The following MBNL2 variants were observed in gnomAD, a reference collection of about 807,000 sequenced individuals.
The protein encoded by MBNL2 is muscleblind like splicing regulator 2.
MBNL2 carries 17 observed loss-of-function variants against 41.9 expected under a neutral mutation model. That is an observed-to-expected ratio of 0.41 (90% CI 0.28 to 0.61). MBNL2 has a LOEUF of 0.61. Among genes scored for constraint, MBNL2 ranks in the 20% least tolerant of loss-of-function variants. The probability of loss-of-function intolerance (pLI) is 0.35; values close to 1 mark genes in which losing one functional copy is unlikely to be tolerated. For synonymous variants in MBNL2, 195 were observed against 182.9 expected (o/e 1.07, Z -0.53); for missense variants, 336 against 505.6 (o/e 0.66, Z 3.22).
chr13:97,388,803 GA>G (rs1180490424), intron 8 of MBNL2, among the ~76,000 whole-genome samples: 5 of 151,392 alleles, frequency 3.3e-5, no homozygotes, highest in Admixed American at 1.3e-4. Flanking sequence ...TATTTCTCAG[GA>G]AAAAAAAATT....
the MBNL2 span, among the ~76,000 whole-genome samples, chr13:97,158,672 G>A: frequency 6.6e-6 from 1 of 151,976 alleles, no homozygotes; most frequent in Non-Finnish European, 1.5e-5. Context: ...TCATTCAGGA[G>A]CAGGTAGTTC....
At chr13:97,250,482 C>G (rs905710559) in intron 1 of MBNL2, among the ~76,000 whole-genome samples, 1 of 152,014 alleles carries the variant, frequency 6.6e-6, no homozygotes, top group African/African-American at 2.4e-5. Flanking sequence ...ATTGAGCTTA[C>G]TCAAGAATGA....
chr13:97,145,515 AG>A, the MBNL2 span, among the ~76,000 whole-genome samples: 3 of 152,242 alleles, frequency 2.0e-5, no homozygotes, highest in South Asian at 6.2e-4. Flanking sequence ...GGTGCCCAGT[AG>A]CTTGCAGTGA....
chr13:97,193,285 C>G, the MBNL2 span, among the ~76,000 whole-genome samples: 2 of 152,250 alleles, frequency 1.3e-5, 1 homozygote, highest in Admixed American at 1.3e-4. Flanking sequence ...CAAAGATACC[C>G]TCTTTTAGTT....
the MBNL2 span, among the ~76,000 whole-genome samples, chr13:97,195,102 C>A: frequency 6.6e-6 from 1 of 152,100 alleles, no homozygotes; most frequent in Non-Finnish European, 1.5e-5. Flanking sequence ...GATCCAAGAA[C>A]CCTCTCTTGG....
At chr13:97,180,753 A>C in the MBNL2 span, among the ~76,000 whole-genome samples, 22 of 151,784 alleles carry the variant, frequency 1.4e-4, no homozygotes, top group South Asian at 4.2e-3. Flanking sequence ...AAAAAAAAAA[A>C]AAAAAAAAAA....
intron 1 of MBNL2, among the ~76,000 whole-genome samples, chr13:97,235,500 T>C (rs2043102916): frequency 6.6e-6 from 1 of 152,246 alleles, no homozygotes; most frequent in Non-Finnish European, 1.5e-5. Context: ...TAAAACCTTG[T>C]AGATACCGGA....
In MBNL2 at chr13:97,391,703, A is replaced by T. The variant is rs2066395193; in HGVS notation, c.*254A>T. ...TGCAGAAAGTCCAGCCAGTTTACTC[A>T]TTTCGATTCAGAATATTTCAAATTT... On this transcript the variant is annotated 3_prime_UTR_variant, in exon 9 of 9. Transcript: ENST00000679496. 2.8e-6 allele frequency: 1 copy of T among 355,394 alleles called. No individual in the cohort carries two copies. The highest frequency in any genetic ancestry group is 5.0e-6 in the Non-Finnish European group (1 of 199,440). 22.0% of individuals were successfully genotyped at this position (355,394 alleles called of 1,614,324 possible).
chr13:97,377,676 G>A (rs906141804), intron 8 of MBNL2, among the ~76,000 whole-genome samples: 1 of 152,228 alleles, frequency 6.6e-6, no homozygotes, highest in Admixed American at 6.5e-5. Context: ...ATTTAGGACA[G>A]AAGGAATTGT....
chr13:97,278,716 CT>C (rs1363852529), intron 2 of MBNL2, among the ~76,000 whole-genome samples: 1 of 152,190 alleles, frequency 6.6e-6, no homozygotes, highest in Non-Finnish European at 1.5e-5. Flanking sequence ...CTGCTGGAGC[CT>C]TTTTGAGGTG....
chr13:97,372,398 A>G (rs2064470830), intron 8 of MBNL2, among the ~76,000 whole-genome samples: 1 of 152,040 alleles, frequency 6.6e-6, no homozygotes, highest in Non-Finnish European at 1.5e-5. Flanking sequence ...TTAGTTGATA[A>G]TATGTCATAA....
chr13:97,224,906 G>T (rs1401468053), intron 1 of MBNL2, among the ~76,000 whole-genome samples: 1 of 152,194 alleles, frequency 6.6e-6, no homozygotes, highest in African/African-American at 2.4e-5. Flanking sequence ...TAGAAGCTCT[G>T]CAAAGCACAC....
intron 8 of MBNL2, 36 bp downstream of exon 8, chr13:97,365,207 A>G: frequency 7.5e-7 from 1 of 1,340,850 alleles, no homozygotes; most frequent in Non-Finnish European, 1.1e-6. Context: ...CTTTTATATG[A>G]TGTACAATAC....
intron 1 of MBNL2, among the ~76,000 whole-genome samples, chr13:97,245,292 A>G (rs1286324356): frequency 1.3e-5 from 2 of 152,150 alleles, no homozygotes; most frequent in Admixed American, 6.5e-5. Flanking sequence ...TTGGGTGCCA[A>G]GTCTAAGCTC....
chr13:97,322,042 C>T (rs1046309729), intron 2 of MBNL2, among the ~76,000 whole-genome samples: 2 of 152,170 alleles, frequency 1.3e-5, no homozygotes, highest in Non-Finnish European at 2.9e-5. Context: ...CTATTTTTAT[C>T]GAGGGCAGGG....
In MBNL2 at chr13:97,346,974, T is replaced by C; in HGVS notation, c.711T>C (p.Pro237=). Residue 237 remains proline, a synonymous_variant, in exon 5 of 9, where the codon CCT becomes CCC. Coordinates refer to ENST00000679496, the MANE Select transcript of MBNL2 (RefSeq NM_001382683.1). This position sits in a 1 kb window ranked among gnomAD's most constrained non-coding sequence, Gnocchi z 4.2. ...AGAAATGCAAATATTTTCACCCTCC[T>C]GCACACTTGCAGGCCAAAATCAAAG... is the stretch of plus-strand genomic sequence containing the variant. ...MREKCKYFHP[P]AHLQAKIKAA... is the part of the protein sequence containing the mutation. 6.2e-7 allele frequency: 1 copy of C among 1,613,972 alleles called. No homozygotes were observed. Among genetic ancestry groups the C allele is most frequent in the African/African-American group, 1.3e-5 (1 of 75,048 alleles).
intron 1 of MBNL2, among the ~76,000 whole-genome samples, chr13:97,259,447 C>T (rs1215595658): frequency 6.6e-6 from 1 of 152,198 alleles, no homozygotes; most frequent in African/African-American, 2.4e-5. Flanking sequence ...CAGAACCTGC[C>T]ACCTTTTCAC....
the MBNL2 span, among the ~76,000 whole-genome samples, chr13:97,198,828 C>T: frequency 2.0e-4 from 30 of 152,236 alleles, no homozygotes; most frequent in Non-Finnish European, 1.5e-5. Flanking sequence ...ATCTTCACTG[C>T]CACTGCTCCA....
intron 1 of MBNL2, among the ~76,000 whole-genome samples, chr13:97,250,235 T>TA (rs1223605623): frequency 1.3e-5 from 2 of 152,142 alleles, no homozygotes; most frequent in African/African-American, 2.4e-5. Flanking sequence ...CTATATTGTG[T>TA]AAAAAAAAGT....
Sources: allele counts gnomAD v4.1 joint callset (sites outside exome capture counted in the v4.1 genomes callset), GRCh38; gene constraint gnomAD v4.1.1; non-coding constraint Gnocchi (gnomAD v3.1); transcripts MANE v1.5; gene names NCBI Gene and HGNC (gene_info 2026-07-23, HGNC 2026-07-21).